Variants in ROBO1 observed in about 807,000 individuals in gnomAD.
ROBO1 encodes roundabout homolog 1.
In ROBO1, 149 loss-of-function variants were observed where a neutral mutation model predicts 195.9. The observed-to-expected ratio is 0.76, with a 90% CI of 0.67 to 0.87. The LOEUF is 0.87. Among genes scored for constraint, ROBO1 ranks in the 40% least tolerant of loss-of-function variants. ROBO1 has a pLI of 0.00. For missense variants in ROBO1, 1,933 were observed against 2,068.3 expected, an observed-to-expected ratio of 0.93 and a Z score of 1.27; for synonymous variants, 816 against 733.2, an observed-to-expected ratio of 1.11 and a Z score of -1.82.
chr3:79,326,117 C>A (rs977938860), intron 2 of ROBO1, among the ~76,000 whole-genome samples: 1 of 152,036 alleles, frequency 6.6e-6, no homozygotes, highest in Non-Finnish European at 1.5e-5. Context: ...TTGGTCAGAC[C>A]GGTTGCTCTC....
chr3:79,002,601 A>G (rs763098720), intron 3 of ROBO1, among the ~76,000 whole-genome samples: 1 of 152,140 alleles, frequency 6.6e-6, no homozygotes, highest in Non-Finnish European at 1.5e-5. Flanking sequence ...TAAATGAATG[A>G]ATGACTCTAG....
intron 2 of ROBO1, among the ~76,000 whole-genome samples, chr3:79,570,686 A>T (rs545358989): frequency 6.6e-6 from 1 of 152,334 alleles, no homozygotes; most frequent in South Asian, 2.1e-4. Context: ...GATAATAATT[A>T]CAGTCAGAAA....
chr3:79,222,624 T>TA (rs935464052), intron 2 of ROBO1, among the ~76,000 whole-genome samples: 200 of 145,670 alleles, frequency 1.4e-3, no homozygotes, highest in East Asian at 4.8e-3. Context: ...AAAAGATCTT[T>TA]AAAAAAAAAA....
chr3:78,635,651 A>C (rs746117577), intron 23 of ROBO1, 122 bp downstream of exon 23: 334 of 860,478 alleles, frequency 3.9e-4, no homozygotes, highest in Non-Finnish European at 5.4e-4. Flanking sequence ...CCAAAGAAAT[A>C]AGAAAATCTC....
intron 8 of ROBO1, chr3:78,693,107 T>G (rs745684485): frequency 6.7e-6 from 3 of 448,810 alleles, no homozygotes; most frequent in Non-Finnish European, 1.2e-5. Flanking sequence ...AGGATGCAGA[T>G]CACACATCAT....
intron 2 of ROBO1, among the ~76,000 whole-genome samples, chr3:79,189,289 T>A (rs1053741126): frequency 2.0e-5 from 3 of 151,788 alleles, no homozygotes; most frequent in Admixed American, 6.6e-5. Flanking sequence ...ATAAGAGGAA[T>A]TTATTAAATA....
In ROBO1 at chr3:79,724,467, C is replaced by A. The variant is rs574988535; in HGVS notation, c.-51+43285G>T. ...AATACGGCAACGTTGAAGGGGATGG[C>A]CTGTCCATGCCGAGGTTACGAAACA... On this transcript the variant is annotated intron_variant, in intron 1 of 30. Transcript: ENST00000464233. Among the ~76,000 whole-genome samples, 23 of 152,278 alleles carry A rather than the reference C, an allele frequency of 1.5e-4. No homozygotes were observed. In the South Asian group the frequency reaches 4.6e-3, roughly 30 times the overall value.
chr3:79,269,946 T>C (rs1236267790), intron 2 of ROBO1, among the ~76,000 whole-genome samples: 1 of 151,808 alleles, frequency 6.6e-6, no homozygotes, highest in Non-Finnish European at 1.5e-5. Context: ...AATAGATGTA[T>C]CCAAATTATT....
intron 1 of ROBO1, among the ~76,000 whole-genome samples, chr3:79,659,553 C>T (rs572201135): frequency 2.9e-4 from 44 of 151,840 alleles, no homozygotes; most frequent in African/African-American, 8.9e-4. Flanking sequence ...TTAATCCGAA[C>T]TGCTTCAAAG....
chr3:79,581,932 T>C (rs1294647427), intron 2 of ROBO1, among the ~76,000 whole-genome samples: 1 of 151,998 alleles, frequency 6.6e-6, no homozygotes, highest in Non-Finnish European at 1.5e-5. Context: ...ATATTATTCT[T>C]CTGAGTGTTA....
intron 8 of ROBO1, among the ~76,000 whole-genome samples, chr3:78,690,245 C>A (rs2081142609): frequency 6.6e-6 from 1 of 151,130 alleles, no homozygotes; most frequent in Non-Finnish European, 1.5e-5. Context: ...AATTAGAACT[C>A]CTACCTTCTA....
intron 2 of ROBO1, among the ~76,000 whole-genome samples, chr3:79,439,437 G>A (rs1001394316): frequency 6.6e-6 from 1 of 151,952 alleles, no homozygotes; most frequent in African/African-American, 2.4e-5. Flanking sequence ...TCACATAAAT[G>A]AATTTACCAA....
At chr3:79,064,140 A>C (rs917570548) in intron 3 of ROBO1, among the ~76,000 whole-genome samples, 6 of 151,990 alleles carry the variant, frequency 3.9e-5, no homozygotes, top group Non-Finnish European at 8.8e-5. Context: ...TGGATATACT[A>C]ATTACTCTGA....
At chr3:78,688,548 TG>T (rs1575938822) in intron 9 of ROBO1, 99 bp downstream of exon 9, 2 of 1,252,962 alleles carry the variant, frequency 1.6e-6, no homozygotes, top group African/African-American at 3.1e-5. Flanking sequence ...TCTCTTAATG[TG>T]ACAGCTGCAT....
At chr3:79,557,688 G>C (rs958633340) in intron 2 of ROBO1, among the ~76,000 whole-genome samples, 25 of 128,850 alleles carry the variant, frequency 1.9e-4, no homozygotes, top group African/African-American at 8.3e-4. Context: ...ACCCGAGATC[G>C]CGCCACTGCA....
At chr3:78,956,668 C>G (rs2041065113) in intron 3 of ROBO1, among the ~76,000 whole-genome samples, 1 of 152,104 alleles carries the variant, frequency 6.6e-6, no homozygotes, top group African/African-American at 2.4e-5. Flanking sequence ...GTGGTATAGA[C>G]AAGCATCATT....
chr3:79,456,743 G>C lies in ROBO1; in HGVS notation c.88+133081C>G, dbSNP rs562618767. Among the ~76,000 whole-genome samples the C allele has an allele frequency of 2.6e-5, 4 of 152,146 alleles. No individual in the cohort carries two copies. In the East Asian group the frequency reaches 7.7e-4, roughly 29 times the overall value. On this transcript the variant is annotated intron_variant, in intron 2 of 30. Transcript: ENST00000464233. ...ATATTCAACAAATATTTAATAAATA[G>C]CTATTTTTTCTTTAGCGACTTTTAA...
chr3:78,979,164 G>A (rs1385108606), intron 3 of ROBO1, among the ~76,000 whole-genome samples: 1 of 152,120 alleles, frequency 6.6e-6, no homozygotes, highest in Non-Finnish European at 1.5e-5. Flanking sequence ...TTGCTAATTA[G>A]TGCTTTCCTA....
rs2032501531 is a variant in ROBO1 at position 79,295,016 on chromosome 3, C to T, written c.89-169477G>A. Reference sequence around the variant, plus strand: ...CTGTTGGTTGGAGTGTAAATTAGTTCAACCATTGTGGAAGACAGTGTGGTA... The same window carrying T: ...CTGTTGGTTGGAGTGTAAATTAGTTTAACCATTGTGGAAGACAGTGTGGTA... On this transcript the variant is annotated intron_variant, in intron 2 of 30. Coordinates refer to ENST00000464233, the MANE Select transcript of ROBO1 (RefSeq NM_002941.4). Among the ~76,000 whole-genome samples, 11 of 152,006 alleles carry T rather than the reference C, an allele frequency of 7.2e-5. No individual in the cohort carries two copies. In the South Asian group the frequency reaches 2.3e-3, roughly 32 times the overall value.
Sources: allele counts gnomAD v4.1 joint callset (sites outside exome capture counted in the v4.1 genomes callset), GRCh38; gene constraint gnomAD v4.1.1; transcripts MANE v1.5; gene names NCBI Gene and HGNC (gene_info 2026-07-23, HGNC 2026-07-21).